Variants in CEP128 observed in about 807,000 individuals in gnomAD.
CEP128 encodes centrosomal protein 128kDa.
Under a neutral mutation model 156.7 loss-of-function variants are expected in CEP128, and 132 were observed. That is an observed-to-expected ratio of 0.84 (90% CI 0.73 to 0.97). The LOEUF is 0.97. CEP128 is among the 50% of genes least tolerant of loss of function. CEP128 has a pLI of 0.00. For missense variants in CEP128, 1,252 were observed against 1,281.9 expected, an observed-to-expected ratio of 0.98 and a Z score of 0.36; for synonymous variants, 469 against 448.9, an observed-to-expected ratio of 1.04 and a Z score of -0.57.
chr14:80,754,114 C>G (rs1433280913), intron 18 of CEP128, among the ~76,000 whole-genome samples: 1 of 152,182 alleles, frequency 6.6e-6, no homozygotes, highest in African/African-American at 2.4e-5. Flanking sequence ...CAATGTAGAT[C>G]TGAATCCAGG....
At chr14:80,670,916 CAT>C (rs1895814598) in intron 19 of CEP128, among the ~76,000 whole-genome samples, 1 of 152,180 alleles carries the variant, frequency 6.6e-6, no homozygotes, top group Non-Finnish European at 1.5e-5. Flanking sequence ...AGATTTTACA[CAT>C]ACTTTGTATT....
At chr14:80,487,018 C>T (rs1161086315), downstream of CEP128, among the ~76,000 whole-genome samples, 3 of 152,104 alleles carry the variant, frequency 2.0e-5, no homozygotes, top group South Asian at 2.1e-4. Context: ...CAAATACATA[C>T]ATAATAATAT....
Position 80,589,703 on chromosome 14 carries a change from C to T in CEP128, c.2807-9280G>A, listed in dbSNP as rs985517871. 3.9e-5 allele frequency among the ~76,000 whole-genome samples: 6 copies of T among 152,066 alleles called. No homozygotes were observed. In the East Asian group the frequency reaches 1.2e-3, roughly 29 times the overall value. ...ACCAACCTATAAAGTTTAGTCATCC[C>T]TATAAAAGGCATGTGCTGATATTAA... On this transcript the variant is annotated intron_variant, in intron 19 of 24. Coordinates refer to ENST00000555265, the MANE Select transcript of CEP128 (RefSeq NM_152446.5).
At chr14:80,743,351 A>C (rs895219035) in intron 18 of CEP128, 84 bp from the exon 19 acceptor site, 5 of 1,146,140 alleles carry the variant, frequency 4.4e-6, no homozygotes, top group Non-Finnish European at 6.1e-6. Flanking sequence ...AATAAGTAAC[A>C]TAATTTGAAC....
chr14:80,546,450 C>G (rs1180993120), intron 21 of CEP128, among the ~76,000 whole-genome samples: 3 of 152,168 alleles, frequency 2.0e-5, no homozygotes, highest in African/African-American at 7.2e-5. Context: ...CAAACGTACT[C>G]TTCTTCAAGC....
At chr14:80,906,189 C>A (rs1883877525) in intron 4 of CEP128, 108 bp from the exon 5 acceptor site, 1 of 784,120 alleles carries the variant, frequency 1.3e-6, no homozygotes, top group South Asian at 3.2e-5. Context: ...GGGTTCCCCC[C>A]AAAAAAAGGT....
chr14:80,897,268 G>A (rs1889387575), intron 7 of CEP128, among the ~76,000 whole-genome samples: 1 of 152,014 alleles, frequency 6.6e-6, no homozygotes, highest in African/African-American at 2.4e-5. Context: ...TCTCAGCTCA[G>A]CTCCTTCTAT....
rs185524702 is a variant in CEP128 at position 80,549,889 on chromosome 14, A to G, written c.2880+9390T>C. Among the ~76,000 whole-genome samples the G allele has an allele frequency of 5.3e-4, 81 of 152,294 alleles. 1 individual carries two copies. The highest frequency in any genetic ancestry group is 1.6e-3 in the African/African-American group (67 of 41,576). On this transcript the variant is annotated intron_variant, in intron 21 of 24. Transcript: ENST00000555265. ...ATTACAAATAAAAACCCCAACAGCAATTGTCTACTCCAACACAGACAGGTG... is the reference window on the plus strand; with the variant it reads ...ATTACAAATAAAAACCCCAACAGCAGTTGTCTACTCCAACACAGACAGGTG...
At chr14:80,778,383 G>C (rs1055892187) in intron 15 of CEP128, among the ~76,000 whole-genome samples, 4 of 152,184 alleles carry the variant, frequency 2.6e-5, no homozygotes, top group African/African-American at 9.6e-5. Context: ...GAAATCCAAA[G>C]AAGAGACACC....
chr14:80,632,696 C>T (rs1024435443), intron 19 of CEP128, among the ~76,000 whole-genome samples: 1 of 151,844 alleles, frequency 6.6e-6, no homozygotes, highest in African/African-American at 2.4e-5. Flanking sequence ...GGGTCATTTC[C>T]AATTACTCTG....
intron 8 of CEP128, among the ~76,000 whole-genome samples, chr14:80,864,317 C>T (rs1887664280): frequency 6.6e-6 from 1 of 152,108 alleles, no homozygotes; most frequent in South Asian, 2.1e-4. Flanking sequence ...AAATAGCTTG[C>T]TATCTATTGA....
chr14:80,585,077 T>C (rs975943213), intron 19 of CEP128, among the ~76,000 whole-genome samples: 7 of 152,260 alleles, frequency 4.6e-5, no homozygotes, highest in African/African-American at 1.7e-4. Context: ...GTATTTTCCT[T>C]GGATTGGTTC....
chr14:80,944,869 G>GA (rs1886300556), upstream of CEP128, among the ~76,000 whole-genome samples: 1 of 35,314 alleles, frequency 2.8e-5, no homozygotes, highest in Non-Finnish European at 5.7e-5. Flanking sequence ...AGAAAAAACA[G>GA]AACAAAACAA....
At position 80,750,285 on chromosome 14, in the gene CEP128, A is replaced by T. The variant is rs567057561; in HGVS notation, c.2613+6607T>A. ...CTTTTCCCCCATGTTGGAAATGAATAAAGAATGGACTGGACCGTGTCAAAT... is the reference window on the plus strand; with the variant it reads ...CTTTTCCCCCATGTTGGAAATGAATTAAGAATGGACTGGACCGTGTCAAAT... On this transcript the variant is annotated intron_variant, in intron 18 of 24. Coordinates refer to ENST00000555265, the MANE Select transcript of CEP128 (RefSeq NM_152446.5). 2.6e-5 allele frequency among the ~76,000 whole-genome samples: 4 copies of T among 152,360 alleles called. No individual in the cohort carries two copies. The East Asian group carries it at 7.7e-4, about 29-fold the overall frequency.
chr14:80,524,672 T>C (rs1436458772), intron 23 of CEP128, among the ~76,000 whole-genome samples: 1 of 152,240 alleles, frequency 6.6e-6, no homozygotes, highest in African/African-American at 2.4e-5. Context: ...AAAAATGTTA[T>C]ATTCCTGTGA....
At chr14:80,830,478 A>G in intron 13 of CEP128, 1 of 328,712 alleles carries the variant, frequency 3.0e-6, no homozygotes, top group East Asian at 4.6e-5. Flanking sequence ...TGTGTCATCC[A>G]TGTTTAATCT....
chr14:80,906,206 A>G, intron 4 of CEP128, 125 bp from the exon 5 acceptor site: 1 of 670,050 alleles, frequency 1.5e-6, no homozygotes, highest in Non-Finnish European at 2.3e-6. Context: ...AGGTATCAGA[A>G]AATTTTAAAC....
intron 4 of CEP128, among the ~76,000 whole-genome samples, chr14:80,911,080 T>A (rs1228827548): frequency 6.6e-6 from 1 of 152,186 alleles, no homozygotes; most frequent in African/African-American, 2.4e-5. Context: ...TAACTCAAGG[T>A]TAATGAACTC....
chr14:80,886,520 A>C (rs1421215923), intron 8 of CEP128, among the ~76,000 whole-genome samples: 1 of 152,234 alleles, frequency 6.6e-6, no homozygotes, highest in African/African-American at 2.4e-5. Context: ...TTTCATATCC[A>C]GCCAAACTAA....
Sources: gnomAD v4.1 joint callset for allele counts (sites outside exome capture counted in the v4.1 genomes callset) on GRCh38, gnomAD v4.1.1 for gene constraint, MANE v1.5 for transcripts, NCBI Gene and HGNC (gene_info 2026-07-23, HGNC 2026-07-21) for gene names.